Variants in RUSC2 observed in about 807,000 individuals in gnomAD.
RUSC2 encodes the protein RUN and SH3 domain containing 2.
A neutral mutation model predicts 122.2 loss-of-function variants in RUSC2; 34 were observed. That is an observed-to-expected ratio of 0.28 (90% CI 0.21 to 0.37). RUSC2 has a LOEUF of 0.37. RUSC2 is among the 10% of genes least tolerant of loss of function. The pLI, the probability that RUSC2 is intolerant of heterozygous loss-of-function variation, is 1.00. For synonymous variants in RUSC2, 784 were observed against 790.0 expected, an observed-to-expected ratio of 0.99 and a Z score of 0.13; for missense variants, 1,747 against 1,952.4, an observed-to-expected ratio of 0.89 and a Z score of 1.98.
chr9:35,547,044 G>C lies in RUSC2; in HGVS notation c.523G>C (p.Glu175Gln). ...RAGVVEGQEQ[E>Q]PVMTLDTQQC... ...TGGAGTGGTGGAAGGGCAGGAACAG[G>C]AGCCAGTGATGACCTTGGATACTCA... The change falls in exon 2 of 12, where the codon GAG becomes CAG. Residue 175 changes from glutamate to glutamine, a missense_variant. Transcript: ENST00000361226. This position sits in a 1 kb window ranked among gnomAD's most constrained non-coding sequence, Gnocchi z 4.6. 1 of 1,611,216 alleles carries C rather than the reference G, an allele frequency of 6.2e-7. No individual in the cohort carries two copies. Among genetic ancestry groups the C allele is most frequent in the Non-Finnish European group, 8.5e-7 (1 of 1,178,124 alleles).
In RUSC2 at chr9:35,555,550, G is replaced by A. The variant is rs565084934; in HGVS notation, c.2505G>A (p.Lys835=). The A allele has an allele frequency of 4.3e-5, 69 of 1,614,164 alleles. 1 individual carries two copies. In the South Asian group the frequency reaches 7.4e-4, roughly 17 times the overall value. ...CTGCCACCTCCCAGCAGCCGCAGAA[G>A]GAGGATCAGAAGATACTGACCTTGA... is the stretch of plus-strand genomic sequence containing the variant. ...VRPATSQQPQ[K]EDQKILTLTE... is the part of the protein sequence containing the mutation. The change falls in exon 3 of 12, where the codon AAG becomes AAA. Residue 835 remains lysine (K), a synonymous_variant. Transcript: ENST00000361226. This position sits in a 1 kb window ranked among gnomAD's most constrained non-coding sequence, Gnocchi z 4.6.
chr9:35,538,938 C>T (rs1821585001), intron 1 of RUSC2: 1 of 152,358 alleles, frequency 6.6e-6, no homozygotes, highest in Non-Finnish European at 1.5e-5. Context: ...AGCCTCCCTG[C>T]ATTAGCAACG....
intron 1 of RUSC2, among the ~76,000 whole-genome samples, chr9:35,505,001 G>A (rs1820886170): frequency 6.6e-6 from 1 of 152,184 alleles, no homozygotes; most frequent in African/African-American, 2.4e-5. Context: ...TATGCTTATA[G>A]TTAGTTAACA....
At chr9:35,544,582 G>A (rs1038552919) in intron 1 of RUSC2, among the ~76,000 whole-genome samples, 1 of 152,012 alleles carries the variant, frequency 6.6e-6, no homozygotes, top group Non-Finnish European at 1.5e-5. Flanking sequence ...TTAGGATTAC[G>A]GGCGTGAGCC....
chr9:35,516,395 G>A (rs2132511359), intron 1 of RUSC2, among the ~76,000 whole-genome samples: 1 of 152,192 alleles, frequency 6.6e-6, no homozygotes, highest in East Asian at 1.9e-4. Context: ...AATGGGGAGT[G>A]AGTTCAGGCC....
intron 1 of RUSC2, among the ~76,000 whole-genome samples, chr9:35,525,660 G>T (rs989244916): frequency 6.6e-6 from 1 of 152,106 alleles, no homozygotes; most frequent in Non-Finnish European, 1.5e-5. Context: ...TTAGCCTGGC[G>T]TGGAGGCACA....
At chr9:35,498,402 C>T (rs1008374674) in intron 1 of RUSC2, among the ~76,000 whole-genome samples, 2 of 151,880 alleles carry the variant, frequency 1.3e-5, no homozygotes, top group Non-Finnish European at 2.9e-5. Context: ...AGTCAGGCAT[C>T]TTGGCGCCTG....
At chr9:35,507,122 A>C (rs1049140800) in intron 1 of RUSC2, among the ~76,000 whole-genome samples, 2 of 152,172 alleles carry the variant, frequency 1.3e-5, no homozygotes, top group African/African-American at 4.8e-5. Context: ...ATCTCAAGAA[A>C]AAAATAAAAA....
chr9:35,512,041 C>T (rs1177708090), intron 1 of RUSC2, among the ~76,000 whole-genome samples: 8 of 151,982 alleles, frequency 5.3e-5, no homozygotes, highest in African/African-American at 1.9e-4. Context: ...ATTAGCTGGG[C>T]GTGGTGGCTG....
At chr9:35,542,420 T>C (rs1469987073) in intron 1 of RUSC2, among the ~76,000 whole-genome samples, 1 of 152,174 alleles carries the variant, frequency 6.6e-6, no homozygotes, top group African/African-American at 2.4e-5. Flanking sequence ...CTATGATCAG[T>C]TGATCAATTG....
rs1434556394 is a variant in RUSC2, at chr9:35,558,667, AG to A, written c.3341+103del. On this transcript the variant is annotated intron_variant, in intron 8 of 11. Transcript: ENST00000361226. The surrounding 1 kb of genome is among the most constrained non-coding windows in gnomAD (Gnocchi z 4.3). ...GAAACAACGCCCTGGACAGACAGAA[AG>A]GGTGGATCTGGAGGGTCCCCTCAGC... 7 of 1,019,328 alleles carry A rather than the reference AG, an allele frequency of 6.9e-6. No homozygotes were observed. The highest frequency in any genetic ancestry group is 1.1e-5 in the Non-Finnish European group (7 of 652,730). 63.1% of individuals were successfully genotyped at this position (1,019,328 alleles called of 1,614,324 possible). A position where few individuals can be genotyped will look rare whatever the true frequency, so the allele number is the denominator to read the frequency against.
chr9:35,548,609 C>G lies in RUSC2; in HGVS notation c.2014+74C>G. 6.8e-7 allele frequency: 1 copy of G among 1,473,436 alleles called. No homozygotes were observed. The allele number at this position is 1,473,436 out of a possible 1,614,324, so 91.3% of individuals were successfully genotyped here. A position where few individuals can be genotyped will look rare whatever the true frequency, so the allele number is the denominator to read the frequency against. On this transcript the variant is annotated intron_variant, in intron 2 of 11. Coordinates refer to ENST00000361226, the MANE Select transcript of RUSC2 (RefSeq NM_014806.5). This position sits in a 1 kb window ranked among gnomAD's most constrained non-coding sequence, Gnocchi z 4.5. Reference sequence around the variant, plus strand: ...ATGCATGGCCACCTCCCTGACAGGTCCCTGCCAGACCACCCCATCCATACC... The same window carrying G: ...ATGCATGGCCACCTCCCTGACAGGTGCCTGCCAGACCACCCCATCCATACC...
chr9:35,530,718 C>G (rs1821403661), intron 1 of RUSC2, among the ~76,000 whole-genome samples: 1 of 152,072 alleles, frequency 6.6e-6, no homozygotes, highest in Non-Finnish European at 1.5e-5. Flanking sequence ...CTGCTCACTG[C>G]AACCTCTGCC....
At position 35,551,060 on chromosome 9, in the gene RUSC2, G is replaced by C. The variant is rs149688188; in HGVS notation, c.2014+2525G>C. 2.7e-3 allele frequency among the ~76,000 whole-genome samples: 409 copies of C among 151,246 alleles called. 1 individual carries two copies. Among genetic ancestry groups the C allele is most frequent in the Non-Finnish European group, 4.6e-3 (311 of 67,798 alleles). On this transcript the variant is annotated intron_variant, in intron 2 of 11. Transcript: ENST00000361226. ...CTCCAGTCTGGGTGACAAAGTGAGA[G>C]TCCGTCTCAAAAAAAAAGAAAAACC... is the stretch of plus-strand genomic sequence containing the variant.
chr9:35,560,019 T>C lies in RUSC2; in HGVS notation c.3389-10T>C. 1 of 1,576,680 alleles carries C rather than the reference T, an allele frequency of 6.3e-7. No homozygotes were observed. Among genetic ancestry groups the C allele is most frequent in the Non-Finnish European group, 8.7e-7 (1 of 1,155,964 alleles). Reference sequence around the variant, plus strand: ...TCTGTGTGGATCAGTCCCTCTCTCTTTTCCCCTAGACATCATCCAGACCCA... The same window carrying C: ...TCTGTGTGGATCAGTCCCTCTCTCTCTTCCCCTAGACATCATCCAGACCCA... On this transcript the variant is annotated splice_polypyrimidine_tract_variant and intron_variant, in intron 9 of 11. Coordinates refer to ENST00000361226, the MANE Select transcript of RUSC2 (RefSeq NM_014806.5).
At chr9:35,510,695 A>G (rs923000660) in intron 1 of RUSC2, among the ~76,000 whole-genome samples, 2 of 152,214 alleles carry the variant, frequency 1.3e-5, no homozygotes, top group African/African-American at 4.8e-5. Context: ...TAAGGTTCTC[A>G]GGGCCGCAGA....
Position 35,559,270 on chromosome 9 carries a change from A to G in RUSC2, c.3386A>G (p.Glu1129Gly). 1 of 1,612,678 alleles carries G rather than the reference A, an allele frequency of 6.2e-7. No individual in the cohort carries two copies. Among genetic ancestry groups the G allele is most frequent in the Non-Finnish European group, 8.5e-7 (1 of 1,178,682 alleles). ...TGGTTTAATCACCTCTATAACCACG[A>G]AGGTAATGCCTAGAACCCTGCAGGT... ...EFWFNHLYNH[E>G]DIIQTHYQPW... The change falls in exon 9 of 12, where the codon GAA (glutamate) becomes GGA (glycine). Residue 1129 changes from glutamate to glycine, a missense_variant and splice_region_variant. Glu to Gly is a moderately conservative substitution (Grantham distance 98). Transcript: ENST00000361226.
chr9:35,524,150 C>G (rs1821275918), intron 1 of RUSC2, among the ~76,000 whole-genome samples: 1 of 151,942 alleles, frequency 6.6e-6, no homozygotes, highest in African/African-American at 2.4e-5. Flanking sequence ...ATGGTGAAAC[C>G]TGTCTCTGCT....
intron 1 of RUSC2, among the ~76,000 whole-genome samples, chr9:35,512,465 C>T (rs565818639): frequency 2.6e-5 from 4 of 152,256 alleles, no homozygotes; most frequent in African/African-American, 9.6e-5. Flanking sequence ...AGTGGGCACT[C>T]ATTAGATACC....
Sources: gnomAD v4.1 joint callset for allele counts (sites outside exome capture counted in the v4.1 genomes callset) on GRCh38, gnomAD v4.1.1 for gene constraint, Gnocchi (gnomAD v3.1) non-coding constraint, MANE v1.5 for transcripts, NCBI Gene and HGNC (gene_info 2026-07-23, HGNC 2026-07-21) for gene names.